Variants in GPRC5B observed in about 807,000 individuals in gnomAD.
The protein encoded by GPRC5B is G protein-coupled receptor class C group 5 member B, also known as G protein-coupled receptor family C group 5 member B.
GPRC5B carries 16 observed loss-of-function variants against 30.1 expected under a neutral mutation model. The ratio of observed to expected loss-of-function variants is 0.53; its 90% confidence interval spans 0.36 to 0.81. GPRC5B has a LOEUF of 0.81. GPRC5B is among the 30% of genes least tolerant of loss of function. The probability of loss-of-function intolerance (pLI) is 0.01; values close to 1 mark genes in which losing one functional copy is unlikely to be tolerated. For synonymous variants in GPRC5B, 241 were observed against 239.5 expected, an observed-to-expected ratio of 1.01 and a Z score of -0.06; for missense variants, 428 against 544.7, an observed-to-expected ratio of 0.79 and a Z score of 2.13.
chr16:19,876,802 A>T (rs1272368480), intron 1 of GPRC5B, among the ~76,000 whole-genome samples: 2 of 152,224 alleles, frequency 1.3e-5, no homozygotes, highest in Non-Finnish European at 2.9e-5. Context: ...CTTCCGGGAC[A>T]GCTGTTGTTT....
At chr16:19,880,674 G>A (rs1244146229) in intron 1 of GPRC5B, among the ~76,000 whole-genome samples, 1 of 152,152 alleles carries the variant, frequency 6.6e-6, no homozygotes, top group Non-Finnish European at 1.5e-5. Context: ...GTAGAACCTA[G>A]GCCAGAGGAC....
At chr16:19,871,554 G>A (rs1234437612) in intron 2 of GPRC5B, among the ~76,000 whole-genome samples, 1 of 152,184 alleles carries the variant, frequency 6.6e-6, no homozygotes, top group East Asian at 1.9e-4. Flanking sequence ...CCCAGGAGGC[G>A]GAGGTTGCAG....
intron 2 of GPRC5B, among the ~76,000 whole-genome samples, chr16:19,864,780 C>G (rs971052158): frequency 6.6e-6 from 1 of 152,222 alleles, no homozygotes; most frequent in African/African-American, 2.4e-5. Context: ...CCAAAGATGC[C>G]AACGGCTGCT....
chr16:19,864,806 G>A (rs1449514175), intron 2 of GPRC5B, among the ~76,000 whole-genome samples: 1 of 152,156 alleles, frequency 6.6e-6, no homozygotes, highest in Admixed American at 6.5e-5. Context: ...TGTGGCAAGG[G>A]AGCATGCCAG....
rs1185691204 is a variant in GPRC5B at position 19,859,877 on chromosome 16, T to C, written c.*623A>G. ...CTTCATCACCCAGAGGGCCTCTTCT[T>C]TGGCACATGCCAGGGTCCCTCCACC... On this transcript the variant is annotated 3_prime_UTR_variant, in exon 4 of 4. Transcript: ENST00000300571. The C allele has an allele frequency of 1.3e-5, 2 of 152,838 alleles. No individual in the cohort carries two copies. The highest frequency in any genetic ancestry group is 4.8e-5 in the African/African-American group (2 of 41,450). 9.5% of individuals were successfully genotyped at this position (152,838 alleles called of 1,614,324 possible).
intron 1 of GPRC5B, chr16:19,882,414 C>A (rs2056814655): frequency 6.6e-6 from 1 of 152,190 alleles, no homozygotes; most frequent in Non-Finnish European, 1.5e-5. Flanking sequence ...TAAGCGGAAC[C>A]CCCAGGAAGC....
chr16:19,881,818 C>T (rs1228319136), intron 1 of GPRC5B, among the ~76,000 whole-genome samples: 3 of 152,158 alleles, frequency 2.0e-5, no homozygotes, highest in East Asian at 1.9e-4. Context: ...TTTCCTGTTG[C>T]GAAAATGAAG....
rs76962980 is a variant in GPRC5B at position 19,875,862 on chromosome 16, C to T, written c.-1-3016G>A. 3.9e-5 allele frequency among the ~76,000 whole-genome samples: 6 copies of T among 152,306 alleles called. No homozygotes were observed. The East Asian group carries it at 7.7e-4, about 20-fold the overall frequency. On this transcript the variant is annotated intron_variant, in intron 1 of 3. Transcript: ENST00000300571. ...ACCCACTGGGCGCATTTCAACCTAC[C>T]ACCCTTTGGAGAAACATCATCCTAG...
At chr16:19,876,743 G>A (rs1275460178) in intron 1 of GPRC5B, among the ~76,000 whole-genome samples, 4 of 152,214 alleles carry the variant, frequency 2.6e-5, no homozygotes, top group Admixed American at 2.6e-4. Flanking sequence ...ATGGGAAATA[G>A]ATACACTCTT....
chr16:19,879,397 C>T (rs967870812), intron 1 of GPRC5B, among the ~76,000 whole-genome samples: 1 of 151,798 alleles, frequency 6.6e-6, no homozygotes, highest in Non-Finnish European at 1.5e-5. Context: ...CTTAAATATA[C>T]TGCATCTCTC....
At chr16:19,875,404 G>A (rs1000464141) in intron 1 of GPRC5B, among the ~76,000 whole-genome samples, 2 of 152,222 alleles carry the variant, frequency 1.3e-5, no homozygotes, top group South Asian at 2.1e-4. Flanking sequence ...CCACCTGGGC[G>A]GTTATTTACT....
chr16:19,878,060 G>A (rs142162011), intron 1 of GPRC5B, among the ~76,000 whole-genome samples: 5 of 151,994 alleles, frequency 3.3e-5, no homozygotes, highest in East Asian at 4.0e-4. Context: ...TGAGCTGGGC[G>A]TGGTGGCACG....
Position 19,858,718 on chromosome 16 carries a change from G to T in GPRC5B, c.*1782C>A, listed in dbSNP as rs1391675670. 6.7e-6 allele frequency: 3 copies of T among 448,086 alleles called. No individual in the cohort carries two copies. The highest frequency in any genetic ancestry group is 1.0e-4 in the South Asian group (2 of 19,558). 27.8% of individuals were successfully genotyped at this position (448,086 alleles called of 1,614,324 possible). ...CAGGACTCTTACGTTTTCTGTCCAC[G>T]CAATGACTGGAACGGGATTCTCTAG... On this transcript the variant is annotated 3_prime_UTR_variant, in exon 4 of 4. Transcript: ENST00000300571.
At position 19,857,614 on chromosome 16, in the gene GPRC5B, C is replaced by A; in HGVS notation, c.*2886G>T. 3.3e-6 allele frequency: 1 copy of A among 307,020 alleles called. No homozygotes were observed. Among genetic ancestry groups the A allele is most frequent in the Non-Finnish European group, 6.1e-6 (1 of 162,910 alleles). The allele number at this position is 307,020 out of a possible 1,614,324, so 19.0% of individuals were successfully genotyped here. ...CTGTAAGCTGGTATCATCATTGCATCATTGGATTATAAAAGCCACAATGCT... is the reference window on the plus strand; with the variant it reads ...CTGTAAGCTGGTATCATCATTGCATAATTGGATTATAAAAGCCACAATGCT... On this transcript the variant is annotated 3_prime_UTR_variant, in exon 4 of 4. Coordinates refer to ENST00000300571, the MANE Select transcript of GPRC5B (RefSeq NM_016235.3).
At position 19,884,807 on chromosome 16, in the gene GPRC5B, C is replaced by A. The variant is rs1247339252; in HGVS notation, c.-82G>T. 1.0e-5 allele frequency: 10 copies of A among 984,384 alleles called. No individual in the cohort carries two copies. Among genetic ancestry groups the A allele is most frequent in the Non-Finnish European group, 1.2e-5 (10 of 829,516 alleles). The allele number at this position is 984,384 out of a possible 1,614,324, so 61.0% of individuals were successfully genotyped here. A position where few individuals can be genotyped will look rare whatever the true frequency, so the allele number is the denominator to read the frequency against. ...ATCTCTGCGGCGCGGCCGCGGCCCC[C>A]GCTCCACGCACGCCCGCCTGCGGGT... On this transcript the variant is annotated 5_prime_UTR_variant, in exon 1 of 4. Coordinates refer to ENST00000300571, the MANE Select transcript of GPRC5B (RefSeq NM_016235.3).
rs746052504 is a variant in GPRC5B at position 19,860,461 on chromosome 16, C to G, written c.*39G>C. ...GAAAGACACAGCCAGGGAGGCAAAT[C>G]GGTAAGAGAAATTCTGATTCTCTGG... On this transcript the variant is annotated 3_prime_UTR_variant, in exon 4 of 4. Coordinates refer to ENST00000300571, the MANE Select transcript of GPRC5B (RefSeq NM_016235.3). 7.4e-7 allele frequency: 1 copy of G among 1,355,834 alleles called. No individual in the cohort carries two copies. The highest frequency in any genetic ancestry group is 1.1e-6 in the Non-Finnish European group (1 of 946,786). The allele number at this position is 1,355,834 out of a possible 1,614,324, so 84.0% of individuals were successfully genotyped here.
intron 2 of GPRC5B, among the ~76,000 whole-genome samples, chr16:19,862,546 T>C (rs950547928): frequency 1.3e-5 from 2 of 152,158 alleles, no homozygotes; most frequent in Admixed American, 1.3e-4. Flanking sequence ...ACTGAACTTT[T>C]AGAGATTTGA....
At chr16:19,881,960 G>A (rs2056810830) in intron 1 of GPRC5B, among the ~76,000 whole-genome samples, 1 of 152,166 alleles carries the variant, frequency 6.6e-6, no homozygotes, top group Admixed American at 6.5e-5. Context: ...CCTCACGTGT[G>A]GCAGAGGCTC....
intron 1 of GPRC5B, among the ~76,000 whole-genome samples, chr16:19,884,083 G>C (rs1104732): frequency 0.6 from 79,553 of 131,906 alleles, 24,677 homozygotes; most frequent in African/African-American, 0.74. Flanking sequence ...AAACGCCACT[G>C]CCCCCCCCGC....
Sources: allele counts gnomAD v4.1 joint callset (sites outside exome capture counted in the v4.1 genomes callset), GRCh38; gene constraint gnomAD v4.1.1; transcripts MANE v1.5; gene names NCBI Gene and HGNC (gene_info 2026-07-23, HGNC 2026-07-21).